Variants in CMSS1 observed in about 807,000 individuals in gnomAD.
The protein encoded by CMSS1 is protein CMSS1.
In CMSS1, 33 loss-of-function variants were observed where a neutral mutation model predicts 43.5. The observed-to-expected ratio is 0.76, with a 90% CI of 0.57 to 1.01. CMSS1 has a LOEUF of 1.01. Among genes scored for constraint, CMSS1 ranks in the 50% least tolerant of loss-of-function variants. CMSS1 has a pLI of 0.00. For synonymous variants in CMSS1, 115 were observed against 117.2 expected (o/e 0.98, Z 0.12); for missense variants, 313 against 326.4 (o/e 0.96, Z 0.32).
intron 1 of CMSS1, among the ~76,000 whole-genome samples, chr3:100,077,727 T>C (rs1190663398): frequency 1.3e-5 from 2 of 152,102 alleles, no homozygotes; most frequent in Non-Finnish European, 1.5e-5. Flanking sequence ...CTGGGCAACA[T>C]GGCAAGACCC....
At chr3:100,017,770 C>CA (rs562207378) in intron 1 of CMSS1, among the ~76,000 whole-genome samples, 2 of 151,518 alleles carry the variant, frequency 1.3e-5, no homozygotes, top group African/African-American at 2.4e-5. Flanking sequence ...AAAAATAATA[C>CA]AAAAAAAAGA....
chr3:99,899,784 A>G (rs372668652), intron 1 of CMSS1, among the ~76,000 whole-genome samples: 3 of 152,196 alleles, frequency 2.0e-5, no homozygotes, highest in African/African-American at 7.2e-5. Flanking sequence ...CTGGGTTTGC[A>G]TGTTGAATTG....
intron 1 of CMSS1, among the ~76,000 whole-genome samples, chr3:99,893,095 G>A (rs574769561): frequency 4.6e-5 from 7 of 151,814 alleles, no homozygotes; most frequent in Non-Finnish European, 2.9e-5. Flanking sequence ...AGAAATCTGG[G>A]GATTTTTAGA....
chr3:99,896,475 T>C (rs1267924647), intron 1 of CMSS1, among the ~76,000 whole-genome samples: 1 of 152,200 alleles, frequency 6.6e-6, no homozygotes, highest in African/African-American at 2.4e-5. Flanking sequence ...TGAATGGTAG[T>C]CACCTTAAGC....
chr3:99,926,286 C>T (rs961440322), intron 1 of CMSS1, among the ~76,000 whole-genome samples: 1 of 152,312 alleles, frequency 6.6e-6, no homozygotes, highest in South Asian at 2.1e-4. Context: ...TCACAAAATA[C>T]TTCATTATGC....
At chr3:99,831,926 G>A (rs1403613121) in intron 1 of CMSS1, among the ~76,000 whole-genome samples, 4 of 152,110 alleles carry the variant, frequency 2.6e-5, no homozygotes, top group African/African-American at 9.7e-5. Context: ...AGCCTACCTG[G>A]GTATGCATAG....
At chr3:99,850,157 T>C (rs1354830790) in intron 1 of CMSS1, 13 of 1,610,988 alleles carry the variant, frequency 8.1e-6, no homozygotes, top group Middle Eastern at 1.6e-4. Flanking sequence ...TTTTCACTCA[T>C]TGTTTTCCGT....
chr3:99,839,529 G>A (rs970539587), intron 1 of CMSS1, among the ~76,000 whole-genome samples: 4 of 152,058 alleles, frequency 2.6e-5, no homozygotes, highest in Non-Finnish European at 5.9e-5. Flanking sequence ...CAATTCTTGG[G>A]ATTCCTGCTG....
chr3:100,002,809 C>A (rs934029016), intron 1 of CMSS1, among the ~76,000 whole-genome samples: 1 of 152,102 alleles, frequency 6.6e-6, no homozygotes, highest in East Asian at 1.9e-4. Context: ...TACATCCCAC[C>A]CCTATGACTT....
chr3:99,986,588 G>A (rs1047641814), intron 1 of CMSS1, among the ~76,000 whole-genome samples: 1 of 152,088 alleles, frequency 6.6e-6, no homozygotes, highest in Non-Finnish European at 1.5e-5. Flanking sequence ...ATACTTGTTT[G>A]TCAAAGAGAA....
chr3:100,036,313 A>G (rs1049156327), intron 1 of CMSS1, among the ~76,000 whole-genome samples: 1 of 150,464 alleles, frequency 6.6e-6, no homozygotes, highest in Admixed American at 6.6e-5. Context: ...CTGTTGGAGG[A>G]AAAAAAAGAT....
chr3:99,891,772 C>A (rs1054193091), intron 1 of CMSS1, among the ~76,000 whole-genome samples: 5 of 152,174 alleles, frequency 3.3e-5, no homozygotes, highest in African/African-American at 7.2e-5. Flanking sequence ...CATTTCCATT[C>A]ATTGCTCAGC....
intron 2 of CMSS1, among the ~76,000 whole-genome samples, chr3:100,148,274 T>G (rs2066871747): frequency 1.3e-5 from 2 of 152,164 alleles, no homozygotes; most frequent in African/African-American, 2.4e-5. Flanking sequence ...AGATGAGATC[T>G]CACTATGTTA....
intron 1 of CMSS1, among the ~76,000 whole-genome samples, chr3:99,989,962 A>G (rs1195381091): frequency 6.6e-6 from 1 of 152,188 alleles, no homozygotes; most frequent in African/African-American, 2.4e-5. Context: ...AGAGAGAGTT[A>G]TACCCACCCA....
intron 1 of CMSS1, among the ~76,000 whole-genome samples, chr3:99,936,804 T>C (rs893791114): frequency 1.4e-4 from 22 of 152,068 alleles, no homozygotes; most frequent in African/African-American, 5.3e-4. Context: ...ACTTAGCTTT[T>C]ATAAAAAGAT....
intron 1 of CMSS1, among the ~76,000 whole-genome samples, chr3:100,102,271 C>A (rs1045675223): frequency 2.0e-5 from 3 of 152,184 alleles, no homozygotes; most frequent in Non-Finnish European, 4.4e-5. Context: ...TCCACATCCT[C>A]TCCAGCACCT....
intron 1 of CMSS1, among the ~76,000 whole-genome samples, chr3:99,957,093 A>C (rs1708341557): frequency 6.6e-6 from 1 of 152,228 alleles, no homozygotes; most frequent in Non-Finnish European, 1.5e-5. Flanking sequence ...TGTAAGAATA[A>C]AAATACTTGT....
At chr3:100,149,875 GTCCCCTCCC>G (rs2066888937) in intron 2 of CMSS1, among the ~76,000 whole-genome samples, 2 of 152,104 alleles carry the variant, frequency 1.3e-5, no homozygotes, top group East Asian at 3.9e-4. Context: ...CTTGTGAGCT[GTCCCCTCCC>G]TGACACAGCT....
intron 1 of CMSS1, among the ~76,000 whole-genome samples, chr3:100,020,318 A>G (rs1455981683): frequency 1.3e-5 from 2 of 152,234 alleles, no homozygotes; most frequent in Admixed American, 6.5e-5. Context: ...ACTTGGTGCC[A>G]TGGTTTCTTA....
Sources: allele counts gnomAD v4.1 joint callset (sites outside exome capture counted in the v4.1 genomes callset), GRCh38; gene constraint gnomAD v4.1.1; transcripts MANE v1.5; gene names NCBI Gene and HGNC (gene_info 2026-07-23, HGNC 2026-07-21).